Variants in ITFG2 observed in about 807,000 individuals in gnomAD.
ITFG2 encodes the protein KICSTOR complex protein ITFG2.
ITFG2 carries 36 observed loss-of-function variants against 54.4 expected under a neutral mutation model. The observed-to-expected ratio is 0.66, with a 90% CI of 0.51 to 0.87. The LOEUF (loss-of-function observed/expected upper bound fraction) is 0.87. ITFG2 is among the 40% of genes least tolerant of loss of function. The probability of loss-of-function intolerance (pLI) is 0.00; values close to 1 mark genes in which losing one functional copy is unlikely to be tolerated. For missense variants in ITFG2, 524 were observed against 576.7 expected (o/e 0.91, Z 0.94); for synonymous variants, 211 against 225.4 (o/e 0.94, Z 0.57).
intron 1 of ITFG2, among the ~76,000 whole-genome samples, chr12:2,815,043 G>A (rs1181841515): frequency 6.7e-6 from 1 of 150,184 alleles, no homozygotes; most frequent in Non-Finnish European, 1.5e-5. Flanking sequence ...ACACAATCTC[G>A]GCTCACTGCA....
Position 2,821,813 on chromosome 12 carries a change from A to T in ITFG2, c.948+21A>T, listed in dbSNP as rs1188306645. The T allele has an allele frequency of 1.9e-6, 3 of 1,574,100 alleles. No individual in the cohort carries two copies. In the African/African-American group the frequency reaches 4.1e-5, roughly 21 times the overall value. On this transcript the variant is annotated intron_variant, in intron 9 of 11. Coordinates refer to ENST00000228799, the MANE Select transcript of ITFG2 (RefSeq NM_018463.4). ...TCACCGTGAGTGGAAAACCTGGCAG[A>T]GCAGAGCATTCCTGCGTTTTCCACA...
intron 1 of ITFG2, among the ~76,000 whole-genome samples, chr12:2,816,478 C>G (rs539188107): frequency 1.3e-5 from 2 of 151,700 alleles, no homozygotes; most frequent in African/African-American, 4.8e-5. Flanking sequence ...CACAGGCGCC[C>G]GCCACCATGC....
At chr12:2,841,828 C>A (rs1031296125) in intron 2 of ITFG2, among the ~76,000 whole-genome samples, 3 of 151,494 alleles carry the variant, frequency 2.0e-5, no homozygotes, top group Non-Finnish European at 4.4e-5. Context: ...AAGTGATTCT[C>A]CTGTCTCAGC....
At chr12:2,823,235 G>C (rs536353813) in intron 10 of ITFG2, among the ~76,000 whole-genome samples, 1 of 152,238 alleles carries the variant, frequency 6.6e-6, no homozygotes, top group Non-Finnish European at 1.5e-5. Flanking sequence ...ATGAGTTTCT[G>C]TCATCTGTCT....
At position 2,839,405 on chromosome 12, in the gene ITFG2, G is replaced by A. The variant is rs899422951; in HGVS notation, n.147-1437G>A. Among the ~76,000 whole-genome samples the A allele has an allele frequency of 5.9e-5, 9 of 152,202 alleles. No individual in the cohort carries two copies. The East Asian group carries it at 9.6e-4, about 16-fold the overall frequency. ...CAGGAAGATTAAGCAATTCTGAACC[G>A]TTAGGAGTAGAAGAAGTGAGCGTAT... is the stretch of plus-strand genomic sequence containing the variant. On this transcript the variant is annotated intron_variant and non_coding_transcript_variant, in intron 1 of 3. Transcript: ENST00000537710.
Position 2,820,101 on chromosome 12 carries a change from G to C in ITFG2, c.422G>C (p.Arg141Pro). Residue 141 changes from arginine to proline, a missense_variant, in exon 5 of 12, where the codon CGT (arginine) becomes CCT (proline). Coordinates refer to ENST00000228799, the MANE Select transcript of ITFG2 (RefSeq NM_018463.4). ...LISDIDGDGC[R>P]ELVVGYTDRV... is the part of the protein sequence containing the mutation. ...ATGCCCACAGATGGAGATGGGTGTC[G>C]TGAGCTGGTGGTGGGCTACACAGAC... 6.2e-7 allele frequency: 1 copy of C among 1,611,164 alleles called. No individual in the cohort carries two copies. The highest frequency in any genetic ancestry group is 1.1e-5 in the South Asian group (1 of 90,662).
downstream of ITFG2, chr12:2,827,458 G>C (rs2097973958): frequency 1.0e-6 from 1 of 985,404 alleles, no homozygotes; most frequent in Non-Finnish European, 1.2e-6. The surrounding 1 kb of genome is among the most constrained non-coding windows in gnomAD (Gnocchi z 4.0). Context: ...GGGTGACCCA[G>C]TTCTCTTGAT....
chr12:2,814,976 AT>A (rs774533422), intron 1 of ITFG2, among the ~76,000 whole-genome samples: 389 of 146,242 alleles, frequency 2.7e-3, no homozygotes, highest in African/African-American at 4.3e-3. Context: ...AAAAATAAAG[AT>A]TTTTTTTTTT....
chr12:2,856,129 A>G (rs1359229699), intron 2 of ITFG2, among the ~76,000 whole-genome samples: 1 of 152,120 alleles, frequency 6.6e-6, no homozygotes. Context: ...CCACAACTCT[A>G]TGAGCAAGTA....
downstream of ITFG2, chr12:2,825,343 C>G (rs1485919317): frequency 6.6e-6 from 1 of 152,176 alleles, no homozygotes; most frequent in Non-Finnish European, 1.5e-5. Context: ...AGAAGAACAT[C>G]GACATAGAGA....
chr12:2,821,382 G>A (rs893896611), intron 7 of ITFG2, 23 bp downstream of exon 7: 2 of 1,591,204 alleles, frequency 1.3e-6, no homozygotes, highest in African/African-American at 2.7e-5. Flanking sequence ...TGGGTGTGAG[G>A]GAGGGAGATG....
chr12:2,835,775 G>A (rs1324869007), upstream of ITFG2, among the ~76,000 whole-genome samples: 5 of 152,096 alleles, frequency 3.3e-5, no homozygotes, highest in East Asian at 5.8e-4. Context: ...TTCCACTTCC[G>A]CCTGCTGAAA....
rs765766328 is a variant in ITFG2 at position 2,859,133 on chromosome 12, C to G, written n.621-401C>G. ...TGGGCAGCGTTTCCTTAATGGGTGTCTTAAAAGGTCCTCCCACTTCCTGGG... is the reference window on the plus strand; with the variant it reads ...TGGGCAGCGTTTCCTTAATGGGTGTGTTAAAAGGTCCTCCCACTTCCTGGG... On this transcript the variant is annotated intron_variant and non_coding_transcript_variant, in intron 3 of 3. Coordinates refer to the ITFG2 transcript ENST00000537710. 4.4e-6 allele frequency: 7 copies of G among 1,606,004 alleles called. No individual in the cohort carries two copies. The East Asian group carries it at 1.3e-4, about 31-fold the overall frequency.
At chr12:2,825,806 A>G (rs2097963766), downstream of ITFG2, 2 of 152,288 alleles carry the variant, frequency 1.3e-5, no homozygotes, top group African/African-American at 2.4e-5. Context: ...TCCTTCACCC[A>G]GGCTGGAGTC....
chr12:2,819,947 G>C, intron 4 of ITFG2, 139 bp from the exon 5 acceptor site: 1 of 1,085,824 alleles, frequency 9.2e-7, no homozygotes, highest in Non-Finnish European at 1.3e-6. Context: ...ACAGGCAGGG[G>C]CGGGGGCAGA....
chr12:2,821,759 C>G lies in ITFG2; in HGVS notation c.915C>G (p.His305Gln). The stretch of plus-strand genomic sequence containing the variant: ...TGCTGTGGTCAGTGCAGGTGGATCA[C>G]CAGCTCTTTGCCCTGGAGAAACTGG... ...DKLLWSVQVD[H>Q]QLFALEKLDV... The change falls in exon 9 of 12, where the codon CAC becomes CAG. Residue 305 changes from histidine to glutamine, a missense_variant. Physicochemically the swap from His to Gln is conservative, Grantham distance 24 (BLOSUM62 0). Coordinates refer to ENST00000228799, the MANE Select transcript of ITFG2 (RefSeq NM_018463.4). 1 of 1,614,084 alleles carries G rather than the reference C, an allele frequency of 6.2e-7. No individual in the cohort carries two copies.
rs761022578 is a variant in ITFG2 at position 2,812,790 on chromosome 12, G to A, written c.30G>A (p.Val10=). ...GGTCAGTTAGCTACGTGCAGCGCGT[G>A]GCGCTGGAGTTCAGCGGGAGCCTCT... MRSVSYVQR[V]ALEFSGSLFP... The change falls in exon 1 of 12, where the codon GTG becomes GTA. Residue 10 remains valine (V), a synonymous_variant. Coordinates refer to ENST00000228799, the MANE Select transcript of ITFG2 (RefSeq NM_018463.4). 17 of 1,612,192 alleles carry A rather than the reference G, an allele frequency of 1.1e-5. 1 individual carries two copies. In the South Asian group the frequency reaches 1.9e-4, roughly 18 times the overall value.
chr12:2,821,931 CTTTT>C (rs375280127), intron 9 of ITFG2, 139 bp downstream of exon 9: 67 of 518,194 alleles, frequency 1.3e-4, no homozygotes, highest in Middle Eastern at 5.3e-4. Context: ...TTTTTTTTTC[CTTTT>C]TTTTTTTTTT....
chr12:2,858,154 T>C (rs1357266225), exon 3 of ITFG2: 2 of 154,942 alleles, frequency 1.3e-5, no homozygotes, highest in Non-Finnish European at 2.9e-5. Flanking sequence ...CTGCAGGTCT[T>C]CCCTTCTATC....
Sources: gnomAD v4.1 joint callset for allele counts (sites outside exome capture counted in the v4.1 genomes callset) on GRCh38, gnomAD v4.1.1 for gene constraint, Gnocchi (gnomAD v3.1) non-coding constraint, MANE v1.5 for transcripts, NCBI Gene and HGNC (gene_info 2026-07-23, HGNC 2026-07-21) for gene names.